Variants in ABCD3 observed in about 807,000 individuals in gnomAD.
ABCD3 encodes ATP binding cassette subfamily D member 3.
Under a neutral mutation model 105.5 loss-of-function variants are expected in ABCD3, and 41 were observed. The ratio of observed to expected loss-of-function variants is 0.39; its 90% confidence interval spans 0.30 to 0.50. The LOEUF is 0.50. ABCD3 is among the 20% of genes least tolerant of loss of function. ABCD3 has a pLI of 0.84. For synonymous variants in ABCD3, 258 were observed against 269.0 expected, an observed-to-expected ratio of 0.96 and a Z score of 0.40; for missense variants, 622 against 806.3, an observed-to-expected ratio of 0.77 and a Z score of 2.77.
chr1:94,505,356 C>T (rs1650300096), intron 20 of ABCD3, among the ~76,000 whole-genome samples: 1 of 149,842 alleles, frequency 6.7e-6, no homozygotes, highest in Non-Finnish European at 1.5e-5. Context: ...AGATGAACAC[C>T]ACCATGCTTG....
rs190332611 is a variant in ABCD3, at chr1:94,478,677, C to T, written c.684+362C>T. ...ACAAGCCTGGACAAAAAGCGAGACCCGCTTCTTTAAAAAATAATAATAAAA... is the reference window on the plus strand; with the variant it reads ...ACAAGCCTGGACAAAAAGCGAGACCTGCTTCTTTAAAAAATAATAATAAAA... On this transcript the variant is annotated intron_variant, in intron 8 of 22. Transcript: ENST00000370214. 227 of 905,248 alleles carry T rather than the reference C, an allele frequency of 2.5e-4. 1 individual carries two copies. Among genetic ancestry groups the T allele is most frequent in the East Asian group, 7.0e-4 (24 of 34,518 alleles). 56.1% of individuals were successfully genotyped at this position (905,248 alleles called of 1,614,324 possible).
At chr1:94,455,654 A>G (rs1490114975) in intron 1 of ABCD3, 1 of 416,818 alleles carries the variant, frequency 2.4e-6, no homozygotes, top group Non-Finnish European at 4.7e-6. Flanking sequence ...GACTGATTAA[A>G]GAAAATAGGA....
the ABCD3 span, among the ~76,000 whole-genome samples, chr1:94,392,705 T>A: frequency 3.3e-5 from 5 of 152,302 alleles, no homozygotes; most frequent in East Asian, 3.9e-4. Context: ...CCATTTTTTT[T>A]AATCAAAGTG....
intron 13 of ABCD3, among the ~76,000 whole-genome samples, chr1:94,488,481 C>T (rs1340987959): frequency 2.0e-5 from 3 of 151,820 alleles, no homozygotes; most frequent in African/African-American, 4.8e-5. Flanking sequence ...TATCTTTAGA[C>T]AGTAGAATGA....
At chr1:94,487,849 T>C in intron 12 of ABCD3, 43 bp from the exon 13 acceptor site, 1 of 1,607,534 alleles carries the variant, frequency 6.2e-7, no homozygotes, top group Non-Finnish European at 8.5e-7. Flanking sequence ...AAATTTTTAG[T>C]CATAGAACTA....
the ABCD3 span, among the ~76,000 whole-genome samples, chr1:94,409,836 A>G: frequency 1.3e-5 from 2 of 152,178 alleles, no homozygotes; most frequent in South Asian, 2.1e-4. Flanking sequence ...GCAAAGTTCT[A>G]TTTCTGAGAA....
At chr1:94,466,805 A>T (rs1648161537) in intron 3 of ABCD3, among the ~76,000 whole-genome samples, 1 of 152,184 alleles carries the variant, frequency 6.6e-6, no homozygotes, top group African/African-American at 2.4e-5. Flanking sequence ...TGAATGTAAA[A>T]CAAATTTGAA....
At chr1:94,508,468 G>A (rs868556769) in intron 21 of ABCD3, among the ~76,000 whole-genome samples, 23 of 151,518 alleles carry the variant, frequency 1.5e-4, no homozygotes, top group Non-Finnish European at 1.9e-4. Flanking sequence ...TTGACTTGGC[G>A]ATGCGTGCTC....
intron 3 of ABCD3, among the ~76,000 whole-genome samples, chr1:94,465,430 CA>C (rs1648090487): frequency 1.3e-5 from 2 of 152,132 alleles, no homozygotes; most frequent in Admixed American, 1.3e-4. Context: ...ACCTGTCATA[CA>C]AAAAACCTTG....
intron 1 of ABCD3, chr1:94,455,792 A>G (rs975994940): frequency 2.4e-5 from 30 of 1,263,752 alleles, no homozygotes; most frequent in Non-Finnish European, 2.9e-5. Context: ...CTGACTGATC[A>G]TGTGACTCAT....
At chr1:94,464,960 A>T (rs1299541034) in intron 3 of ABCD3, 87 bp downstream of exon 3, 1 of 1,125,218 alleles carries the variant, frequency 8.9e-7, no homozygotes, top group African/African-American at 1.5e-5. Context: ...AAGAAAAGAG[A>T]TTTAATTGGC....
chr1:94,506,594 T>C lies in ABCD3; in HGVS notation c.1797T>C (p.Ser599=), dbSNP rs1244921140. ...PQFAILDECT[S]AVSVDVEGYI... The stretch of plus-strand genomic sequence containing the variant: ...TTGCCATTTTGGATGAATGCACAAG[T>C]GCAGTTAGTGTCGACGTGGAAGGCT... Residue 599 remains serine, a synonymous_variant, in exon 21 of 23, where the codon AGT becomes AGC. Coordinates refer to ENST00000370214, the MANE Select transcript of ABCD3 (RefSeq NM_002858.4). 1.2e-6 allele frequency: 2 copies of C among 1,613,160 alleles called. No homozygotes were observed. Among genetic ancestry groups the C allele is most frequent in the Non-Finnish European group, 1.7e-6 (2 of 1,179,352 alleles).
Position 94,432,255 on chromosome 1 carries a change from T to C in ABCD3, c.110+13667T>C, listed in dbSNP as rs1659712166. 2.6e-5 allele frequency among the ~76,000 whole-genome samples: 4 copies of C among 152,334 alleles called. No individual in the cohort carries two copies. In the South Asian group the frequency reaches 8.3e-4, roughly 32 times the overall value. Reference sequence around the variant, plus strand: ...CAAATGCATAGAAAATTTGTACAACTGAGTATGAGTAGACCTGTGGTAGTA... The same window carrying C: ...CAAATGCATAGAAAATTTGTACAACCGAGTATGAGTAGACCTGTGGTAGTA... On this transcript the variant is annotated intron_variant, in intron 1 of 22. Coordinates refer to ENST00000370214, the MANE Select transcript of ABCD3 (RefSeq NM_002858.4).
chr1:94,509,429 G>T (rs973924946), intron 21 of ABCD3, among the ~76,000 whole-genome samples: 1 of 152,172 alleles, frequency 6.6e-6, no homozygotes, highest in Admixed American at 6.5e-5. Flanking sequence ...GTTCATCAAG[G>T]ATATTGGTCT....
intron 20 of ABCD3, among the ~76,000 whole-genome samples, chr1:94,501,829 CACT>C (rs1452576159): frequency 6.6e-6 from 1 of 151,384 alleles, no homozygotes; most frequent in Admixed American, 6.6e-5. Flanking sequence ...CCAGAGATAC[CACT>C]GTTATAAAAT....
At chr1:94,431,666 TC>T (rs1246662260) in intron 1 of ABCD3, among the ~76,000 whole-genome samples, 4 of 152,158 alleles carry the variant, frequency 2.6e-5, no homozygotes, top group Non-Finnish European at 5.9e-5. Context: ...GCTCAATTGA[TC>T]CTCCCACCTC....
chr1:94,388,319 C>T, the ABCD3 span, among the ~76,000 whole-genome samples: 1 of 152,152 alleles, frequency 6.6e-6, no homozygotes, highest in Non-Finnish European at 1.5e-5. Context: ...TGTTGCATGA[C>T]TGTAAAGGGT....
At chr1:94,505,389 T>C (rs1352137949) in intron 20 of ABCD3, among the ~76,000 whole-genome samples, 4 of 150,340 alleles carry the variant, frequency 2.7e-5, no homozygotes, top group Non-Finnish European at 5.9e-5. Context: ...TTTTTTTTTT[T>C]TTTTTAAGAG....
chr1:94,495,980 T>G (rs552948473), intron 16 of ABCD3, among the ~76,000 whole-genome samples: 2 of 152,378 alleles, frequency 1.3e-5, no homozygotes, highest in African/African-American at 4.8e-5. Context: ...AGAAAAAAGT[T>G]TATTCATCTG....
Sources: gnomAD v4.1 joint callset for allele counts (sites outside exome capture counted in the v4.1 genomes callset) on GRCh38, gnomAD v4.1.1 for gene constraint, MANE v1.5 for transcripts, NCBI Gene and HGNC (gene_info 2026-07-23, HGNC 2026-07-21) for gene names.